TRPM8: variants seen among roughly 807,000 people sequenced by gnomAD.
The protein encoded by TRPM8 is transient receptor potential cation channel subfamily M member 8.
A neutral mutation model predicts 133.7 loss-of-function variants in TRPM8; 110 were observed. That is an observed-to-expected ratio of 0.82 (90% CI 0.70 to 0.96). TRPM8 has a LOEUF of 0.96. Ranked by LOEUF, TRPM8 falls within the 40% of genes least tolerant of loss-of-function variation. The pLI is 0.00. For missense variants in TRPM8, 1,291 were observed against 1,379.5 expected (o/e 0.94, Z 1.02); for synonymous variants, 535 against 532.3 (o/e 1.01, Z -0.07).
At chr2:233,963,402 T>C (rs756980514) in intron 13 of TRPM8, 25 bp downstream of exon 13, 1 of 1,418,172 alleles carries the variant, frequency 7.1e-7, no homozygotes, top group South Asian at 1.2e-5. Flanking sequence ...CCACATCAGA[T>C]TTACACCAAA....
intron 2 of TRPM8, among the ~76,000 whole-genome samples, chr2:233,930,188 G>C (rs1005289474): frequency 2.0e-5 from 3 of 152,180 alleles, no homozygotes; most frequent in South Asian, 2.1e-4. Context: ...GGTTTATAAA[G>C]GCTTTTGGTT....
intron 22 of TRPM8, among the ~76,000 whole-genome samples, chr2:234,002,950 C>G (rs974998056): frequency 6.6e-6 from 1 of 152,118 alleles, no homozygotes; most frequent in African/African-American, 2.4e-5. Flanking sequence ...CTGATTATGC[C>G]TGTGCCTTTA....
At chr2:233,993,955 A>G (rs1372511703) in intron 21 of TRPM8, among the ~76,000 whole-genome samples, 1 of 152,240 alleles carries the variant, frequency 6.6e-6, no homozygotes, top group African/African-American at 2.4e-5. Flanking sequence ...ATATATAGTC[A>G]AAGATTTCTA....
rs560220359 is a variant in TRPM8 at position 233,991,474 on chromosome 2, C to T, written c.2940-4852C>T. ...AGAGAGCGAAAAGTCACTGTCACCACGGGCCATGGGGCAGTACTGGCTAGA... is the reference window on the plus strand; with the variant it reads ...AGAGAGCGAAAAGTCACTGTCACCATGGGCCATGGGGCAGTACTGGCTAGA... On this transcript the variant is annotated intron_variant, in intron 21 of 25. Coordinates refer to ENST00000324695, the MANE Select transcript of TRPM8 (RefSeq NM_024080.5). Among the ~76,000 whole-genome samples the T allele has an allele frequency of 1.8e-3, 273 of 152,254 alleles. 1 individual carries two copies. Among genetic ancestry groups the T allele is most frequent in the Middle Eastern group, 3.4e-3 (1 of 294 alleles).
At chr2:233,929,838 C>T (rs1319417458) in intron 2 of TRPM8, 1 of 152,152 alleles carries the variant, frequency 6.6e-6, no homozygotes, top group African/African-American at 2.4e-5. Context: ...GTGTTTATTG[C>T]CTTTGATATT....
intron 3 of TRPM8, among the ~76,000 whole-genome samples, chr2:233,934,111 C>G (rs566169685): frequency 5.9e-5 from 9 of 152,270 alleles, no homozygotes; most frequent in African/African-American, 2.2e-4. Context: ...GCTCAACTAC[C>G]TAAACTTAAA....
At chr2:234,007,972 C>G in intron 23 of TRPM8, 98 bp from the exon 24 acceptor site, 1 of 1,173,340 alleles carries the variant, frequency 8.5e-7, no homozygotes, top group Non-Finnish European at 1.2e-6. Context: ...GACTTGTATT[C>G]TGTACTTTAA....
At chr2:233,982,992 C>T (rs932313543) in intron 19 of TRPM8, 61 bp from the exon 20 acceptor site, 20 of 1,563,932 alleles carry the variant, frequency 1.3e-5, no homozygotes, top group Middle Eastern at 1.8e-4. Context: ...ACGGCCGGGC[C>T]GGGGGGACTT....
At chr2:233,947,057 C>G (rs752919722) in intron 7 of TRPM8, 31 bp from the exon 8 acceptor site, 5 of 1,605,748 alleles carry the variant, frequency 3.1e-6, no homozygotes, top group Non-Finnish European at 4.3e-6. Context: ...CTAATGAGCT[C>G]AAAATATGCT....
At chr2:233,956,193 G>A (rs1472086475) in intron 11 of TRPM8, among the ~76,000 whole-genome samples, 1 of 152,172 alleles carries the variant, frequency 6.6e-6, no homozygotes, top group Non-Finnish European at 1.5e-5. Flanking sequence ...CTGGTCGATG[G>A]TAAAATTCTC....
intron 20 of TRPM8, 23 bp from the exon 21 acceptor site, chr2:233,985,665 C>A (rs764391697): frequency 6.2e-7 from 1 of 1,609,422 alleles, no homozygotes. Context: ...CCTCACTTTG[C>A]CTGTTGGTTT....
intron 22 of TRPM8, among the ~76,000 whole-genome samples, chr2:234,002,394 C>G (rs1407033652): frequency 6.6e-6 from 1 of 152,124 alleles, no homozygotes; most frequent in Non-Finnish European, 1.5e-5. Context: ...CAGTGAATCC[C>G]AGAGGAAGGA....
rs751206239 is a variant in TRPM8 at position 233,942,635 on chromosome 2, G to C, written c.586G>C (p.Val196Leu). The change falls in exon 6 of 26, where the codon GTG (valine) becomes CTG (leucine). Residue 196 changes from valine to leucine, a missense_variant. This residue lies in a region of TRPM8 where 963 missense variants were observed against 968.9 expected (regional missense o/e 0.99). Coordinates refer to ENST00000324695, the MANE Select transcript of TRPM8 (RefSeq NM_024080.5). ...YGLMKYIGEVVRDNTISRSSE... is the reference protein window; with the variant it reads ...YGLMKYIGEVLRDNTISRSSE... Reference sequence around the variant, plus strand: ...CCTGATGAAGTACATCGGGGAGGTGGTGAGAGATAACACCATCAGCAGGAG... The same window carrying C: ...CCTGATGAAGTACATCGGGGAGGTGCTGAGAGATAACACCATCAGCAGGAG... 1.2e-6 allele frequency: 2 copies of C among 1,614,224 alleles called. No homozygotes were observed. The highest frequency in any genetic ancestry group is 1.1e-5 in the South Asian group (1 of 91,084).
chr2:233,952,746 C>T (rs1438805499), intron 9 of TRPM8, among the ~76,000 whole-genome samples: 4 of 151,922 alleles, frequency 2.6e-5, no homozygotes, highest in Non-Finnish European at 4.4e-5. Flanking sequence ...CAGGAGTATG[C>T]AGGATGGAGT....
At chr2:233,974,150 A>G (rs1574747027) in intron 17 of TRPM8, among the ~76,000 whole-genome samples, 1 of 152,164 alleles carries the variant, frequency 6.6e-6, no homozygotes, top group African/African-American at 2.4e-5. Context: ...GGACTGGCTG[A>G]TGTCTTATCA....
At chr2:233,985,646 C>T (rs765198408) in intron 20 of TRPM8, 42 bp from the exon 21 acceptor site, 4 of 1,596,146 alleles carry the variant, frequency 2.5e-6, no homozygotes, top group Non-Finnish European at 3.4e-6. Flanking sequence ...TCTCACCCCT[C>T]CAGAGGGTCC....
intron 9 of TRPM8, 140 bp from the exon 10 acceptor site, chr2:233,953,777 T>C (rs1275287237): frequency 6.6e-6 from 4 of 609,686 alleles, no homozygotes; most frequent in African/African-American, 5.6e-5. Flanking sequence ...CAAGGACTCA[T>C]TGCAATTCAG....
chr2:233,977,021 G>T (rs1347222827), intron 17 of TRPM8, among the ~76,000 whole-genome samples: 1 of 152,172 alleles, frequency 6.6e-6, no homozygotes, highest in Non-Finnish European at 1.5e-5. Context: ...CCCAAGCAGG[G>T]TGTGACCTGA....
intron 1 of TRPM8, among the ~76,000 whole-genome samples, chr2:233,924,301 C>T (rs1280636367): frequency 3.9e-5 from 6 of 152,158 alleles, no homozygotes; most frequent in African/African-American, 1.2e-4. Flanking sequence ...TGGCGCATGA[C>T]GCACCAAGGG....
Sources: gnomAD v4.1 joint callset for allele counts (sites outside exome capture counted in the v4.1 genomes callset) on GRCh38, gnomAD v4.1.1 for gene constraint, gnomAD v4.1.1 regional missense constraint, MANE v1.5 for transcripts, NCBI Gene and HGNC (gene_info 2026-07-23, HGNC 2026-07-21) for gene names.